RARB: variants seen among roughly 807,000 people sequenced by gnomAD.
The protein encoded by RARB is HBV-activated protein.
In RARB, 17 loss-of-function variants were observed where a neutral mutation model predicts 51.9. The observed-to-expected ratio is 0.33, with a 90% CI of 0.22 to 0.49. RARB has a LOEUF of 0.49. Among genes scored for constraint, RARB ranks in the 20% least tolerant of loss-of-function variants. RARB has a pLI of 0.99. For missense variants in RARB, 369 were observed against 550.8 expected (o/e 0.67, Z 3.30); for synonymous variants, 215 against 195.4 (o/e 1.10, Z -0.84).
intron 5 of RARB, among the ~76,000 whole-genome samples, chr3:25,236,443 G>A (rs1273672432): frequency 1.3e-5 from 2 of 152,066 alleles, no homozygotes; most frequent in Non-Finnish European, 2.9e-5. Context: ...AGACTAAGAA[G>A]TCCTCTTCTA....
At chr3:25,094,951 A>G (rs1436175401) in intron 3 of RARB, among the ~76,000 whole-genome samples, 1 of 152,136 alleles carries the variant, frequency 6.6e-6, no homozygotes, top group Non-Finnish European at 1.5e-5. Flanking sequence ...TGCTTGAGAA[A>G]AAGGTAAACA....
chr3:25,406,055 T>A (rs1410504450), intron 5 of RARB, among the ~76,000 whole-genome samples: 1 of 152,214 alleles, frequency 6.6e-6, no homozygotes, highest in Non-Finnish European at 1.5e-5. Flanking sequence ...CCATAAGAAC[T>A]GGCCATCTTT....
At chr3:25,354,334 G>A (rs1350796758) in intron 5 of RARB, among the ~76,000 whole-genome samples, 1 of 151,980 alleles carries the variant, frequency 6.6e-6, no homozygotes, top group East Asian at 1.9e-4. Context: ...TGGTTTTATA[G>A]GATGCTAAAT....
At chr3:25,045,870 G>A (rs1229786645) in intron 2 of RARB, among the ~76,000 whole-genome samples, 1 of 152,192 alleles carries the variant, frequency 6.6e-6, no homozygotes, top group Non-Finnish European at 1.5e-5. Context: ...GTAAACTAAA[G>A]AGGACAGTTG....
At chr3:24,923,666 T>A (rs1446330082) in intron 2 of RARB, among the ~76,000 whole-genome samples, 1 of 152,114 alleles carries the variant, frequency 6.6e-6, no homozygotes, top group Non-Finnish European at 1.5e-5. Context: ...AGAATTACCT[T>A]AAAGAGGACT....
intron 2 of RARB, among the ~76,000 whole-genome samples, chr3:24,941,053 TA>T (rs1435785121): frequency 1.3e-5 from 2 of 152,096 alleles, no homozygotes; most frequent in East Asian, 3.9e-4. Context: ...CCATTACTAT[TA>T]ACTTGTAGGG....
intron 5 of RARB, among the ~76,000 whole-genome samples, chr3:25,239,629 C>G (rs181831488): frequency 6.6e-6 from 1 of 152,086 alleles, no homozygotes; most frequent in Non-Finnish European, 1.5e-5. Flanking sequence ...AGATTTATTT[C>G]TGGGTCCTCT....
intron 3 of RARB, among the ~76,000 whole-genome samples, chr3:25,064,479 T>C (rs932297519): frequency 9.2e-5 from 14 of 152,130 alleles, no homozygotes; most frequent in Non-Finnish European, 2.1e-4. Flanking sequence ...AAAAAAGAAC[T>C]CCTGCTTAGT....
rs540792772 is a variant in RARB at position 24,980,039 on chromosome 3, G to T, written c.-379-80086G>T. ...TCCTTCACTTATGAAGCTTAGTTTGGCTGGATATGAAATTCTAGGTTGAAA... is the reference window on the plus strand; with the variant it reads ...TCCTTCACTTATGAAGCTTAGTTTGTCTGGATATGAAATTCTAGGTTGAAA... On this transcript the variant is annotated intron_variant, in intron 2 of 11. Transcript: ENST00000383772. 5.9e-5 allele frequency among the ~76,000 whole-genome samples: 9 copies of T among 152,218 alleles called. No homozygotes were observed. In the South Asian group the frequency reaches 8.3e-4, roughly 14 times the overall value.
chr3:25,074,849 G>A (rs182970475), intron 3 of RARB, among the ~76,000 whole-genome samples: 88 of 152,238 alleles, frequency 5.8e-4, no homozygotes, highest in African/African-American at 2.0e-3. Context: ...ACTGGGGCCA[G>A]GACTCTTTTC....
intron 3 of RARB, among the ~76,000 whole-genome samples, chr3:25,089,688 T>C (rs1485198738): frequency 6.6e-6 from 1 of 152,146 alleles, no homozygotes; most frequent in African/African-American, 2.4e-5. Context: ...TTTATCTCAG[T>C]GAGGTTCAGC....
At chr3:25,221,550 A>G (rs1328608971) in intron 5 of RARB, among the ~76,000 whole-genome samples, 1 of 152,194 alleles carries the variant, frequency 6.6e-6, no homozygotes, top group Admixed American at 6.5e-5. Flanking sequence ...TACTGTCAAA[A>G]TTCTGCACTA....
intron 2 of RARB, among the ~76,000 whole-genome samples, chr3:24,869,727 C>T (rs1028921402): frequency 5.9e-5 from 9 of 152,096 alleles, no homozygotes; most frequent in East Asian, 5.8e-4. Flanking sequence ...AAATTTTTTG[C>T]ATTTTATAAA....
intron 4 of RARB, among the ~76,000 whole-genome samples, chr3:25,133,793 C>A (rs998886867): frequency 6.6e-6 from 1 of 150,820 alleles, no homozygotes; most frequent in African/African-American, 2.4e-5. Context: ...GGTTGATCGA[C>A]ACTGATGAAA....
chr3:25,417,198 TA>T (rs35119404), intron 5 of RARB, among the ~76,000 whole-genome samples: 1,636 of 141,610 alleles, frequency 0.012, 33 homozygotes, highest in African/African-American at 0.037. Flanking sequence ...AAAAACCAAT[TA>T]AAAAAAAAAA....
chr3:25,212,985 C>T (rs927052578), intron 5 of RARB, among the ~76,000 whole-genome samples: 1 of 152,212 alleles, frequency 6.6e-6, no homozygotes, highest in Non-Finnish European at 1.5e-5. Context: ...TCATATTTCA[C>T]TCTCAGGAGA....
At chr3:25,378,251 A>C (rs1402077357) in intron 5 of RARB, among the ~76,000 whole-genome samples, 3 of 152,212 alleles carry the variant, frequency 2.0e-5, no homozygotes, top group African/African-American at 7.2e-5. Context: ...GCACTTTAGG[A>C]AACAGATGGA....
intron 1 of RARB, among the ~76,000 whole-genome samples, chr3:24,840,692 T>C (rs1702409371): frequency 6.6e-6 from 1 of 151,096 alleles, no homozygotes; most frequent in Non-Finnish European, 1.5e-5. Flanking sequence ...TGGTTAGTAT[T>C]TGCTGTTGCC....
In RARB at chr3:25,259,309, A is replaced by G. The variant is rs993809872; in HGVS notation, c.178+84734A>G. ...CCCAGCATTCTTCATATTTGGATGT[A>G]GCCATGTGTCTGAGTTCTATCTGGC... is the stretch of plus-strand genomic sequence containing the variant. On this transcript the variant is annotated intron_variant, in intron 5 of 11. Coordinates refer to the RARB transcript ENST00000383772. Among the ~76,000 whole-genome samples, 11 of 152,144 alleles carry G rather than the reference A, an allele frequency of 7.2e-5. 1 individual carries two copies. The highest frequency in any genetic ancestry group is 5.9e-4 in the Admixed American group (9 of 15,256).
Sources: allele counts gnomAD v4.1 joint callset (sites outside exome capture counted in the v4.1 genomes callset), GRCh38; gene constraint gnomAD v4.1.1; transcripts MANE v1.5; gene names NCBI Gene and HGNC (gene_info 2026-07-23, HGNC 2026-07-21).